The following FAM81A variants were observed in gnomAD, a reference collection of about 807,000 sequenced individuals.
FAM81A encodes the protein family with sequence similarity 81 member A.
Under a neutral mutation model 46.7 loss-of-function variants are expected in FAM81A, and 19 were observed. The observed-to-expected ratio is 0.41, with a 90% confidence interval of 0.28 to 0.60. The LOEUF is 0.60. FAM81A is among the 20% of genes least tolerant of loss of function. The pLI is 0.34. For missense variants in FAM81A, 377 were observed against 453.5 expected (o/e 0.83, Z 1.53); for synonymous variants, 183 against 152.9 (o/e 1.20, Z -1.45).
chr15:59,422,407 A>C (rs574157558), intron 2 of FAM81A, among the ~76,000 whole-genome samples: 4 of 152,220 alleles, frequency 2.6e-5, no homozygotes, highest in African/African-American at 7.2e-5. Flanking sequence ...TTAAAAATAA[A>C]ACAAAGTGTT....
chr15:59,519,339 C>T (rs2082302213), intron 8 of FAM81A, among the ~76,000 whole-genome samples: 1 of 152,026 alleles, frequency 6.6e-6, no homozygotes, highest in Middle Eastern at 3.4e-3. Flanking sequence ...TAGATGTGCA[C>T]CACCAGGCCC....
intron 3 of FAM81A, among the ~76,000 whole-genome samples, chr15:59,478,612 A>G (rs113704159): frequency 2.6e-5 from 4 of 152,292 alleles, no homozygotes; most frequent in Admixed American, 2.0e-4. Flanking sequence ...TGAAACAGGT[A>G]TATCAGCGGA....
At chr15:59,482,881 C>A (rs904048243) in intron 3 of FAM81A, among the ~76,000 whole-genome samples, 3 of 152,092 alleles carry the variant, frequency 2.0e-5, no homozygotes, top group African/African-American at 7.2e-5. Context: ...TAGTCAGATG[C>A]GAAGTTGTCT....
chr15:59,450,682 A>T (rs2141612994), intron 1 of FAM81A, among the ~76,000 whole-genome samples: 1 of 152,390 alleles, frequency 6.6e-6, no homozygotes, highest in South Asian at 2.1e-4. Flanking sequence ...GAACAGAGCC[A>T]ATGTTGCATA....
intron 2 of FAM81A, among the ~76,000 whole-genome samples, chr15:59,459,522 G>A (rs2081524701): frequency 6.6e-6 from 1 of 152,140 alleles, no homozygotes; most frequent in Admixed American, 6.5e-5. Flanking sequence ...CTCATATGTA[G>A]TATGCTTCAC....
chr15:59,502,289 G>A (rs892161462), intron 4 of FAM81A, among the ~76,000 whole-genome samples: 10 of 150,924 alleles, frequency 6.6e-5, no homozygotes, highest in South Asian at 4.2e-4. Flanking sequence ...CCATTAACTC[G>A]TCATTTAGCA....
intron 7 of FAM81A, among the ~76,000 whole-genome samples, chr15:59,515,939 A>G (rs951324485): frequency 6.6e-6 from 1 of 152,206 alleles, no homozygotes; most frequent in African/African-American, 2.4e-5. Flanking sequence ...TTCCAGTTTA[A>G]CTTTTTGCCA....
rs753242923 is a variant in FAM81A, at chr15:59,519,659, G to C, written c.983-1595G>C. Among the ~76,000 whole-genome samples, 38 of 139,308 alleles carry C rather than the reference G, an allele frequency of 2.7e-4. No individual in the cohort carries two copies. In the Middle Eastern group the frequency reaches 0.019, roughly 68 times the overall value. 91.4% of individuals were successfully genotyped at this position (139,308 alleles called of 152,430 possible). A position where few individuals can be genotyped will look rare whatever the true frequency, so the allele number is the denominator to read the frequency against. On this transcript the variant is annotated intron_variant, in intron 8 of 8. Transcript: ENST00000288228. ...TAGATTCCACATATGAGATCGTGCA[G>C]TATTTTTCTTTCTGTATCTGTCTTA... is the stretch of plus-strand genomic sequence containing the variant.
At chr15:59,449,298 T>C (rs532321014) in intron 1 of FAM81A, among the ~76,000 whole-genome samples, 12 of 152,288 alleles carry the variant, frequency 7.9e-5, no homozygotes, top group African/African-American at 2.9e-4. Context: ...TTCTTTTAAA[T>C]TGATACAGTG....
chr15:59,517,873 A>C (rs1171477227), intron 8 of FAM81A, among the ~76,000 whole-genome samples: 1 of 152,202 alleles, frequency 6.6e-6, no homozygotes, highest in Non-Finnish European at 1.5e-5. Flanking sequence ...CATACCATTG[A>C]GGATGTTAAT....
intron 5 of FAM81A, among the ~76,000 whole-genome samples, chr15:59,508,611 T>C (rs1329350662): frequency 6.6e-6 from 1 of 152,214 alleles, no homozygotes; most frequent in East Asian, 1.9e-4. Context: ...TTGGGCTTGC[T>C]CCTCAGAGAA....
chr15:59,429,282 T>C (rs1478861396), intron 2 of FAM81A, among the ~76,000 whole-genome samples: 3 of 152,214 alleles, frequency 2.0e-5, no homozygotes, highest in Non-Finnish European at 4.4e-5. Flanking sequence ...TATGAATCTT[T>C]TTTTCGTTTA....
At chr15:59,430,554 T>C (rs373240118) in intron 2 of FAM81A, among the ~76,000 whole-genome samples, 1 of 152,058 alleles carries the variant, frequency 6.6e-6, no homozygotes, top group East Asian at 1.9e-4. Context: ...GTGTGAGCCC[T>C]ATTCCCCTTT....
intron 1 of FAM81A, chr15:59,401,322 A>G (rs1389286696): frequency 7.5e-6 from 6 of 803,240 alleles, no homozygotes; most frequent in Admixed American, 5.1e-5. Context: ...ACAAGGCCCA[A>G]TTTGCTCACA....
chr15:59,406,358 T>G (rs2140467313), intron 2 of FAM81A, among the ~76,000 whole-genome samples: 1 of 152,306 alleles, frequency 6.6e-6, no homozygotes, highest in Middle Eastern at 3.4e-3. Context: ...AGATTGAGGC[T>G]GGGGGATGTG....
chr15:59,409,398 C>T (rs1354557913), intron 2 of FAM81A, among the ~76,000 whole-genome samples: 3 of 152,156 alleles, frequency 2.0e-5, no homozygotes, highest in Non-Finnish European at 2.9e-5. Context: ...CTCTTCCATC[C>T]AGAGAGAAAA....
At chr15:59,457,120 G>A (rs1441855973) in intron 1 of FAM81A, among the ~76,000 whole-genome samples, 1 of 152,132 alleles carries the variant, frequency 6.6e-6, no homozygotes, top group Non-Finnish European at 1.5e-5. Flanking sequence ...CCCCCTTATC[G>A]ATGGTTTCAC....
rs143696862 is a variant in FAM81A, at chr15:59,428,413, ATATTATTATTATTATTAT to A, written c.-78+26081_-78+26098del. Among the ~76,000 whole-genome samples, 448 of 140,692 alleles carry A rather than the reference ATATTATTATTATTATTAT, an allele frequency of 3.2e-3. 9 individuals carry two copies. Among genetic ancestry groups the A allele is most frequent in the Admixed American group, 0.018 (245 of 13,854 alleles). The allele number at this position is 140,692 out of a possible 152,430, so 92.3% of individuals were successfully genotyped here. A position where few individuals can be genotyped will look rare whatever the true frequency, so the allele number is the denominator to read the frequency against. On this transcript the variant is annotated intron_variant, in intron 2 of 4. Transcript: ENST00000558348. ...TTCTTAGTCCTGAGAATTCTTTTTG[ATATTATTATTATTATTAT>A]TATTATTATTATTATTATTATTATT...
intron 1 of FAM81A, among the ~76,000 whole-genome samples, chr15:59,447,796 G>C (rs2081368557): frequency 6.6e-6 from 1 of 152,162 alleles, no homozygotes; most frequent in African/African-American, 2.4e-5. Context: ...AGTGAAGGGA[G>C]GGGAGGGGAA....
Sources: gnomAD v4.1 joint callset for allele counts (sites outside exome capture counted in the v4.1 genomes callset) on GRCh38, gnomAD v4.1.1 for gene constraint, MANE v1.5 for transcripts, NCBI Gene and HGNC (gene_info 2026-07-23, HGNC 2026-07-21) for gene names.